The following ASXL1 variants were observed in gnomAD, a reference collection of about 807,000 sequenced individuals.
ASXL1 encodes the protein polycomb group protein ASXL1.
Under a neutral mutation model 89.1 loss-of-function variants are expected in ASXL1, and 65 were observed. The observed-to-expected ratio is 0.73, with a 90% CI of 0.60 to 0.90. The LOEUF is 0.90. Among genes scored for constraint, ASXL1 ranks in the 40% least tolerant of loss-of-function variants. The probability of loss-of-function intolerance (pLI) is 0.00; values close to 1 mark genes in which losing one functional copy is unlikely to be tolerated. For synonymous variants in ASXL1, 739 were observed against 746.9 expected (o/e 0.99, Z 0.17); for missense variants, 1,786 against 1,942.9 (o/e 0.92, Z 1.52).
intron 4 of ASXL1, among the ~76,000 whole-genome samples, chr20:32,390,785 T>C (rs1315900498): frequency 1.3e-5 from 2 of 152,372 alleles, no homozygotes; most frequent in South Asian, 2.1e-4. Flanking sequence ...CAGAATGCCA[T>C]ATAAATTGAA....
At chr20:32,406,495 G>A (rs1018239240) in intron 4 of ASXL1, among the ~76,000 whole-genome samples, 2 of 152,168 alleles carry the variant, frequency 1.3e-5, no homozygotes, top group Non-Finnish European at 2.9e-5. Context: ...AGGCTACAGC[G>A]AGCCGAGATT....
At chr20:32,403,035 C>T (rs1165205343) in intron 4 of ASXL1, among the ~76,000 whole-genome samples, 1 of 152,072 alleles carries the variant, frequency 6.6e-6, no homozygotes, top group African/African-American at 2.4e-5. Context: ...GTATGCTTTA[C>T]ATTTAAGTCT....
chr20:32,378,299 C>T (rs1045599196), intron 4 of ASXL1, among the ~76,000 whole-genome samples: 1 of 151,778 alleles, frequency 6.6e-6, no homozygotes, highest in Non-Finnish European at 1.5e-5. Context: ...GGATTATAGG[C>T]GTGAACCACC....
intron 4 of ASXL1, among the ~76,000 whole-genome samples, chr20:32,410,947 G>A (rs1303136644): frequency 6.8e-6 from 1 of 147,880 alleles, no homozygotes; most frequent in Non-Finnish European, 1.5e-5. Flanking sequence ...CAGGAGAATC[G>A]CTTGAACCCT....
At chr20:32,418,918 C>T (rs758005457) in intron 4 of ASXL1, among the ~76,000 whole-genome samples, 27 of 141,050 alleles carry the variant, frequency 1.9e-4, no homozygotes, top group Admixed American at 2.3e-4. Context: ...CTGTAATCTC[C>T]GCCTCCCAGC....
At chr20:32,358,882 C>T (rs1347936233) in intron 1 of ASXL1, 50 bp downstream of exon 1, 3 of 1,439,512 alleles carry the variant, frequency 2.1e-6, no homozygotes, top group Non-Finnish European at 2.7e-6. Context: ...GTGGGGGGGG[C>T]TCGCCGCGCA....
chr20:32,419,226 A>G (rs1369405804), intron 4 of ASXL1, among the ~76,000 whole-genome samples: 2 of 151,900 alleles, frequency 1.3e-5, no homozygotes, highest in Non-Finnish European at 2.9e-5. Context: ...TTTTTGAGAC[A>G]GGGTCTTGTT....
intron 4 of ASXL1, among the ~76,000 whole-genome samples, chr20:32,369,696 A>G (rs567497393): frequency 7.2e-6 from 1 of 138,888 alleles, no homozygotes; most frequent in Admixed American, 7.2e-5. Flanking sequence ...AAGCATAACT[A>G]TGGGGATAAT....
At chr20:32,395,402 A>C (rs1600517838) in intron 4 of ASXL1, among the ~76,000 whole-genome samples, 1 of 151,912 alleles carries the variant, frequency 6.6e-6, no homozygotes, top group East Asian at 1.9e-4. Context: ...CAGCGAGCAA[A>C]TTTATCTTTT....
At chr20:32,431,788 T>C in intron 10 of ASXL1, 109 bp downstream of exon 10, 2 of 1,152,060 alleles carry the variant, frequency 1.7e-6, no homozygotes, top group Non-Finnish European at 2.5e-6. Flanking sequence ...GGTTATTTAG[T>C]ATAAGACAGG....
rs138347280 is a variant in ASXL1 at position 32,364,697 on chromosome 20, C to T, written c.58-1687C>T. Reference sequence around the variant, plus strand: ...ATAGGTGTGCACCACCGTGCCTGGCCTGTTGAAGGATTTTAGAGCTGAAAG... The same window carrying T: ...ATAGGTGTGCACCACCGTGCCTGGCTTGTTGAAGGATTTTAGAGCTGAAAG... On this transcript the variant is annotated intron_variant, in intron 1 of 12. Coordinates refer to ENST00000375687, the MANE Select transcript of ASXL1 (RefSeq NM_015338.6). 5.9e-5 allele frequency among the ~76,000 whole-genome samples: 9 copies of T among 152,264 alleles called. No homozygotes were observed. In the East Asian group the frequency reaches 1.7e-3, roughly 29 times the overall value.
rs2048485801 is a variant in ASXL1, at chr20:32,381,543, C to CT, written c.252+12421dup. On this transcript the variant is annotated intron_variant, in intron 4 of 12. Transcript: ENST00000375687. ...TTTTTTTTTTTTTTTGAGACGGAGT[C>CT]TCGCTGTGTCGCCCAGGCTGGAGTG... 1.4e-5 allele frequency among the ~76,000 whole-genome samples: 2 copies of CT among 141,652 alleles called. 1 individual carries two copies. Among genetic ancestry groups the CT allele is most frequent in the South Asian group, 4.5e-4 (2 of 4,460 alleles). The allele number at this position is 141,652 out of a possible 152,430, so 92.9% of individuals were successfully genotyped here.
At chr20:32,431,041 C>A (rs2011497131) in intron 8 of ASXL1, 1 of 619,392 alleles carries the variant, frequency 1.6e-6, no homozygotes, top group South Asian at 1.5e-5. Context: ...GAACCTGCCC[C>A]TTGCCTGATT....
In ASXL1 at chr20:32,435,497, G is replaced by A. The variant is rs2011780592; in HGVS notation, c.2785G>A (p.Glu929Lys). ...IPSVEPQVGE[E>K]WEKAAPTPPA... Reference sequence around the variant, plus strand: ...ATCTGTTGAGCCCCAGGTTGGAGAGGAGTGGGAGAAAGCTGCTCCCACCCC... The same window carrying A: ...ATCTGTTGAGCCCCAGGTTGGAGAGAAGTGGGAGAAAGCTGCTCCCACCCC... The change falls in exon 13 of 13, where the codon GAG (glutamate) becomes AAG (lysine). Residue 929 changes from glutamate to lysine, a missense_variant. Transcript: ENST00000375687. 2 of 1,613,862 alleles carry A rather than the reference G, an allele frequency of 1.2e-6. No homozygotes were observed. The highest frequency in any genetic ancestry group is 1.7e-6 in the Non-Finnish European group (2 of 1,180,022).
chr20:32,403,971 G>A (rs2048915114), intron 4 of ASXL1, among the ~76,000 whole-genome samples: 1 of 151,950 alleles, frequency 6.6e-6, no homozygotes, highest in African/African-American at 2.4e-5. Flanking sequence ...TCAAAGCAAG[G>A]TATTTAGGCT....
At chr20:32,370,819 A>C (rs1469690270) in intron 4 of ASXL1, among the ~76,000 whole-genome samples, 1 of 151,888 alleles carries the variant, frequency 6.6e-6, no homozygotes, top group Admixed American at 6.6e-5. Context: ...CTTTTCTTGT[A>C]ATCGAGCCTT....
At position 32,435,328 on chromosome 20, in the gene ASXL1, C is replaced by G. The variant is rs779837740; in HGVS notation, c.2616C>G (p.Cys872Trp). 1 of 1,614,152 alleles carries G rather than the reference C, an allele frequency of 6.2e-7. No individual in the cohort carries two copies. Among genetic ancestry groups the G allele is most frequent in the Non-Finnish European group, 8.5e-7 (1 of 1,180,028 alleles). Residue 872 changes from cysteine (C) to tryptophan (W), a missense_variant, in exon 13 of 13, where the codon TGC becomes TGG. Transcript: ENST00000375687. ...FDDELGLGGS[C>W]PPMRESDTRQ... ...ACGAATTAGGGCTTGGTGGCTCATGCCCTCCTATGAGGGAAAGTGATACTA... is the reference window on the plus strand; with the variant it reads ...ACGAATTAGGGCTTGGTGGCTCATGGCCTCCTATGAGGGAAAGTGATACTA...
intron 1 of ASXL1, among the ~76,000 whole-genome samples, chr20:32,362,686 G>A (rs1331031703): frequency 1.3e-5 from 2 of 152,260 alleles, no homozygotes; most frequent in East Asian, 1.9e-4. Flanking sequence ...CTTTCGTAGA[G>A]GAAAGAAGAT....
chr20:32,435,321 G>A lies in ASXL1; in HGVS notation c.2609G>A (p.Gly870Asp), dbSNP rs2011761795. 8 of 1,614,166 alleles carry A rather than the reference G, an allele frequency of 5.0e-6. No individual in the cohort carries two copies. Among genetic ancestry groups the A allele is most frequent in the Non-Finnish European group, 6.8e-6 (8 of 1,180,012 alleles). The change falls in exon 13 of 13, where the codon GGC becomes GAC. Residue 870 changes from glycine (G) to aspartate (D), a missense_variant. Around this residue, in one of 3 missense-constraint regions of ASXL1, gnomAD observed 1,418 missense variants for 1,427.8 expected, o/e 0.99. Coordinates refer to ENST00000375687, the MANE Select transcript of ASXL1 (RefSeq NM_015338.6). ...RAFDDELGLG[G>D]SCPPMRESDT... The stretch of plus-strand genomic sequence containing the variant: ...TTTGATGACGAATTAGGGCTTGGTG[G>A]CTCATGCCCTCCTATGAGGGAAAGT...
Sources: gnomAD v4.1 joint callset for allele counts (sites outside exome capture counted in the v4.1 genomes callset) on GRCh38, gnomAD v4.1.1 for gene constraint, gnomAD v4.1.1 regional missense constraint, MANE v1.5 for transcripts, NCBI Gene and HGNC (gene_info 2026-07-23, HGNC 2026-07-21) for gene names.